The following NALCN variants were observed in gnomAD, a reference collection of about 807,000 sequenced individuals.
The protein encoded by NALCN is sodium leak channel NALCN.
In NALCN, 111 loss-of-function variants were observed where a neutral mutation model predicts 225.3. That is an observed-to-expected ratio of 0.49 (90% CI 0.42 to 0.58). The LOEUF (loss-of-function observed/expected upper bound fraction) is 0.58. NALCN is among the 20% of genes least tolerant of loss of function. The pLI is 0.00. For missense variants in NALCN, 1,378 were observed against 2,202.4 expected, an observed-to-expected ratio of 0.63 and a Z score of 7.49; for synonymous variants, 764 against 769.0, an observed-to-expected ratio of 0.99 and a Z score of 0.11.
At chr13:101,060,090 A>G in intron 41 of NALCN, 123 bp from the exon 42 acceptor site, 1 of 1,092,730 alleles carries the variant, frequency 9.2e-7, no homozygotes, top group Non-Finnish European at 1.3e-6. Flanking sequence ...CCTCTTAGGA[A>G]TTTCCAAGTA....
intron 7 of NALCN, among the ~76,000 whole-genome samples, chr13:101,315,662 A>G (rs2044527158): frequency 6.6e-6 from 1 of 152,206 alleles, no homozygotes; most frequent in African/African-American, 2.4e-5. Flanking sequence ...AATGAAACTA[A>G]TCTATGCTTT....
intron 13 of NALCN, among the ~76,000 whole-genome samples, chr13:101,202,842 C>T (rs954364125): frequency 3.3e-5 from 5 of 152,156 alleles, no homozygotes; most frequent in Non-Finnish European, 5.9e-5. Context: ...GAAGGAATGG[C>T]TGAGGGACTG....
At chr13:101,202,742 T>A (rs1248438139) in intron 13 of NALCN, among the ~76,000 whole-genome samples, 1 of 152,180 alleles carries the variant, frequency 6.6e-6, no homozygotes, top group Non-Finnish European at 1.5e-5. Flanking sequence ...AGTACATGCC[T>A]ATCAGCCAGG....
At chr13:101,143,725 A>G (rs897304567) in intron 16 of NALCN, among the ~76,000 whole-genome samples, 1 of 152,174 alleles carries the variant, frequency 6.6e-6, no homozygotes, top group Non-Finnish European at 1.5e-5. Context: ...CGGCCTCCCA[A>G]AGTGCTGGGA....
rs147877643 is a variant in NALCN at position 101,160,189 on chromosome 13, T to C, written c.1840-15293A>G. Among the ~76,000 whole-genome samples the C allele has an allele frequency of 8.9e-3, 1,347 of 152,180 alleles. 7 individuals are homozygous for C. Among genetic ancestry groups the C allele is most frequent in the African/African-American group, 0.02 (810 of 41,522 alleles). ...CAGGATGGTCTCGATCTCCTGACCTTGTGATCTGCCCGCCTTGGCCTCCCA... is the reference window on the plus strand; with the variant it reads ...CAGGATGGTCTCGATCTCCTGACCTCGTGATCTGCCCGCCTTGGCCTCCCA... On this transcript the variant is annotated intron_variant, in intron 15 of 43. Transcript: ENST00000251127.
At chr13:101,358,239 T>G (rs1337484201) in intron 6 of NALCN, among the ~76,000 whole-genome samples, 1 of 152,088 alleles carries the variant, frequency 6.6e-6, no homozygotes, top group African/African-American at 2.4e-5. Flanking sequence ...GAAACTATCA[T>G]CAGAGTGAAC....
At chr13:101,145,507 ACAAT>A (rs1346926832) in intron 15 of NALCN, among the ~76,000 whole-genome samples, 2 of 152,238 alleles carry the variant, frequency 1.3e-5, no homozygotes, top group African/African-American at 2.4e-5. Context: ...GTGAGGAATG[ACAAT>A]CAAATGGATT....
rs1174052660 is a variant in NALCN at position 101,183,192 on chromosome 13, A to G, written c.1765-6818T>C. ...CCCATTACAGCGATGTCTGCATATT[A>G]CCTTCAGCTAATGTTTACCTACACT... On this transcript the variant is annotated intron_variant, in intron 14 of 43. Transcript: ENST00000251127. Among the ~76,000 whole-genome samples, 3 of 152,294 alleles carry G rather than the reference A, an allele frequency of 2.0e-5. No individual in the cohort carries two copies. The East Asian group carries it at 5.8e-4, about 29-fold the overall frequency.
intron 13 of NALCN, among the ~76,000 whole-genome samples, chr13:101,193,952 C>T (rs1357109555): frequency 2.6e-5 from 4 of 152,112 alleles, no homozygotes; most frequent in Middle Eastern, 3.2e-3. Flanking sequence ...AGTCAAAATG[C>T]CTGCCAGTAT....
intron 17 of NALCN, among the ~76,000 whole-genome samples, chr13:101,131,367 T>G (rs1354984305): frequency 6.6e-6 from 1 of 152,202 alleles, no homozygotes; most frequent in Non-Finnish European, 1.5e-5. Flanking sequence ...GCTTTGATAA[T>G]TTTCCTTACT....
At chr13:101,415,919 C>T (rs1413459009) in intron 1 of NALCN, among the ~76,000 whole-genome samples, 1 of 152,188 alleles carries the variant, frequency 6.6e-6, no homozygotes, top group African/African-American at 2.4e-5. Flanking sequence ...TCCTCAGCCA[C>T]CTGCCCCCCA....
intron 17 of NALCN, among the ~76,000 whole-genome samples, chr13:101,129,715 A>ATTTTTTTTTTT (rs34648262): frequency 4.4e-5 from 6 of 137,542 alleles, no homozygotes; most frequent in Non-Finnish European, 8.0e-5. Context: ...ATGACCCAGG[A>ATTTTTTTTTTT]TTTTTTTTTT....
At chr13:101,346,087 C>CTCTATATATATA in intron 6 of NALCN, among the ~76,000 whole-genome samples, 77 of 70,944 alleles carry the variant, frequency 1.1e-3, no homozygotes, top group East Asian at 3.8e-3. Context: ...CTCTCTCTCT[C>CTCTATATATATA]TATATATATA....
chr13:101,163,136 C>T (rs1460011760), intron 15 of NALCN, among the ~76,000 whole-genome samples: 1 of 152,134 alleles, frequency 6.6e-6, no homozygotes, highest in African/African-American at 2.4e-5. Flanking sequence ...CTCCTGACCA[C>T]AGGTGATCCA....
At chr13:101,224,868 T>C (rs923492747) in intron 13 of NALCN, among the ~76,000 whole-genome samples, 4 of 152,164 alleles carry the variant, frequency 2.6e-5, no homozygotes, top group Admixed American at 2.6e-4. Flanking sequence ...GGAGGGAAAT[T>C]TCCCTGTAGG....
intron 7 of NALCN, among the ~76,000 whole-genome samples, chr13:101,331,618 C>A (rs1215098491): frequency 6.6e-6 from 1 of 152,036 alleles, no homozygotes; most frequent in Non-Finnish European, 1.5e-5. Context: ...AACTGTTGCA[C>A]CTTGAGTTTC....
At chr13:101,323,044 A>G (rs2044809197) in intron 7 of NALCN, among the ~76,000 whole-genome samples, 1 of 152,158 alleles carries the variant, frequency 6.6e-6, no homozygotes, top group South Asian at 2.1e-4. Context: ...AGATAACTCT[A>G]TTTTGTTGAA....
chr13:101,064,716 A>G lies in NALCN; in HGVS notation c.4604+688T>C, dbSNP rs146938710. 1.8e-3 allele frequency among the ~76,000 whole-genome samples: 272 copies of G among 152,282 alleles called. 1 individual carries two copies. The highest frequency in any genetic ancestry group is 3.4e-3 in the Middle Eastern group (1 of 294). ...GGCTAGATTCTCCCTCACAGGCCTC[A>G]GAAGGAATCAGCCCCGCAATACCTC... On this transcript the variant is annotated intron_variant, in intron 40 of 43. Coordinates refer to ENST00000251127, the MANE Select transcript of NALCN (RefSeq NM_052867.4).
Position 101,327,159 on chromosome 13 carries a change from C to A in NALCN, c.799+18107G>T, listed in dbSNP as rs541538292. On this transcript the variant is annotated intron_variant, in intron 7 of 43. Transcript: ENST00000251127. ...GTGTCCAGAGAAGCGACGATTCTTACTCTACCCTTGCAAATAATCCACTAG... is the reference window on the plus strand; with the variant it reads ...GTGTCCAGAGAAGCGACGATTCTTAATCTACCCTTGCAAATAATCCACTAG... Among the ~76,000 whole-genome samples, 7 of 152,230 alleles carry A rather than the reference C, an allele frequency of 4.6e-5. No individual in the cohort carries two copies. The East Asian group carries it at 9.7e-4, about 21-fold the overall frequency.
Sources: gnomAD v4.1 joint callset for allele counts (sites outside exome capture counted in the v4.1 genomes callset) on GRCh38, gnomAD v4.1.1 for gene constraint, MANE v1.5 for transcripts, NCBI Gene and HGNC (gene_info 2026-07-23, HGNC 2026-07-21) for gene names.